PLCZ1: variants seen among roughly 807,000 people sequenced by gnomAD.
PLCZ1 encodes the protein phospholipase C zeta 1.
PLCZ1 carries 64 observed loss-of-function variants against 76.8 expected under a neutral mutation model. The ratio of observed to expected loss-of-function variants is 0.83; its 90% CI spans 0.68 to 1.03. PLCZ1 has a LOEUF of 1.03. PLCZ1 is among the 50% of genes least tolerant of loss of function. The pLI is 0.00. For synonymous variants in PLCZ1, 248 were observed against 230.8 expected (o/e 1.07, Z -0.68); for missense variants, 751 against 713.7 (o/e 1.05, Z -0.60).
chr12:18,655,980 A>C, the PLCZ1 span, among the ~76,000 whole-genome samples: 1 of 152,162 alleles, frequency 6.6e-6, no homozygotes, highest in African/African-American at 2.4e-5. Context: ...AAAGTAAGTA[A>C]ATTTTAATTA....
At chr12:18,710,165 T>G (rs1957123374) in intron 6 of PLCZ1, among the ~76,000 whole-genome samples, 1 of 148,646 alleles carries the variant, frequency 6.7e-6, no homozygotes. Flanking sequence ...ATTTTGTCTC[T>G]TTTTCTTATC....
chr12:18,717,603 A>G (rs1445473360), intron 5 of PLCZ1, among the ~76,000 whole-genome samples: 1 of 152,132 alleles, frequency 6.6e-6, no homozygotes, highest in Non-Finnish European at 1.5e-5. Flanking sequence ...TGATATCTCA[A>G]ACTTAGCATG....
In PLCZ1 at chr12:18,688,072, G is replaced by T. The variant is rs1202758347; in HGVS notation, c.1591+17C>A. 6 of 1,608,984 alleles carry T rather than the reference G, an allele frequency of 3.7e-6. No homozygotes were observed. The East Asian group carries it at 1.3e-4, about 36-fold the overall frequency. On this transcript the variant is annotated intron_variant, in intron 13 of 14. Transcript: ENST00000266505. ...AGAAGTCTAATGGAAATTCAATAAG[G>T]TATATCAGGAGCTCACCATTTTTTT...
At chr12:18,724,330 G>A (rs1053510232) in intron 3 of PLCZ1, among the ~76,000 whole-genome samples, 7 of 152,118 alleles carry the variant, frequency 4.6e-5, no homozygotes, top group Non-Finnish European at 1.0e-4. Context: ...TTAGACAAAT[G>A]AGAGAGATAA....
chr12:18,647,794 T>C, the PLCZ1 span: 3 of 747,606 alleles, frequency 4.0e-6, no homozygotes, highest in Non-Finnish European at 5.9e-6. Context: ...GCAGCTAATT[T>C]TTTTTATTAA....
At chr12:18,733,535 T>A (rs1959164818) in intron 3 of PLCZ1, among the ~76,000 whole-genome samples, 1 of 152,162 alleles carries the variant, frequency 6.6e-6, no homozygotes, top group African/African-American at 2.4e-5. Flanking sequence ...TCTAAGAAAT[T>A]CTTGCCAAGC....
the PLCZ1 span, chr12:18,647,767 C>A: frequency 2.0e-6 from 1 of 503,656 alleles, no homozygotes; most frequent in Non-Finnish European, 3.3e-6. Context: ...CTATCTATTC[C>A]AGGGTATAAG....
At chr12:18,658,862 G>A in the PLCZ1 span, among the ~76,000 whole-genome samples, 1 of 152,088 alleles carries the variant, frequency 6.6e-6, no homozygotes, top group Non-Finnish European at 1.5e-5. Flanking sequence ...TATTCTATTT[G>A]AATGGAAAAA....
At chr12:18,727,083 TGCCTGCAATCCCCAA>T (rs1478948260) in intron 3 of PLCZ1, among the ~76,000 whole-genome samples, 6 of 152,090 alleles carry the variant, frequency 3.9e-5, no homozygotes, top group Non-Finnish European at 1.5e-5. Flanking sequence ...CAATGGCTCA[TGCCTGCAATCCCCAA>T]GCTTTGGGAA....
Position 18,684,261 on chromosome 12 carries a change from T to C in PLCZ1, c.1610A>G (p.Asn537Ser), listed in dbSNP as rs1168406425. 1.2e-6 allele frequency: 2 copies of C among 1,609,244 alleles called. No individual in the cohort carries two copies. The highest frequency in any genetic ancestry group is 1.7e-6 in the Non-Finnish European group (2 of 1,176,640). Residue 537 changes from asparagine to serine, a missense_variant, in exon 14 of 15, where the codon AAT becomes AGT. Physicochemically the swap from Asn to Ser is conservative, Grantham distance 46. Coordinates refer to ENST00000266505, the MANE Select transcript of PLCZ1 (RefSeq NM_033123.4). Reference sequence around the variant, plus strand: ...ATGAATAATAAATGTGAATGTTTCATTCCATCTTGGACTAAAAGCTGAAAT... The same window carrying C: ...ATGAATAATAAATGTGAATGTTTCACTCCATCTTGGACTAAAAGCTGAAAT... Reference protein sequence around the residue: ...IKKNAFSPRWNETFTFIIHVP... With the variant: ...IKKNAFSPRWSETFTFIIHVP...
At chr12:18,723,263 A>T in intron 4 of PLCZ1, 48 bp downstream of exon 4, 1 of 1,493,376 alleles carries the variant, frequency 6.7e-7, no homozygotes. Context: ...AAAAGAAAAA[A>T]TACTTCACAT....
At chr12:18,651,213 C>G in the PLCZ1 span, among the ~76,000 whole-genome samples, 1 of 151,948 alleles carries the variant, frequency 6.6e-6, no homozygotes, top group African/African-American at 2.4e-5. Flanking sequence ...TCAGCCAACT[C>G]CTTCTTCCCA....
chr12:18,702,872 G>A (rs1414583117), intron 7 of PLCZ1, among the ~76,000 whole-genome samples: 1 of 142,182 alleles, frequency 7.0e-6, no homozygotes, highest in Non-Finnish European at 1.5e-5. Context: ...CCAGGATGGA[G>A]TGCAGTGACA....
At chr12:18,693,024 G>A (rs1954359765) in intron 12 of PLCZ1, 5 of 1,430,514 alleles carry the variant, frequency 3.5e-6, no homozygotes, top group African/African-American at 2.8e-5. Flanking sequence ...TAGAAATCAG[G>A]AACAAATGAA....
At chr12:18,660,886 A>G in the PLCZ1 span, among the ~76,000 whole-genome samples, 1 of 152,186 alleles carries the variant, frequency 6.6e-6, no homozygotes, top group East Asian at 1.9e-4. Context: ...ATTGATAGTC[A>G]AAGAAGTAAA....
chr12:18,664,042 T>C, the PLCZ1 span, among the ~76,000 whole-genome samples: 3 of 152,070 alleles, frequency 2.0e-5, no homozygotes, highest in Admixed American at 6.6e-5. Context: ...AAAACTACAA[T>C]GATATAACAC....
rs186106339 is a variant in PLCZ1 at position 18,730,072 on chromosome 12, T to A, written c.135+6149A>T. Among the ~76,000 whole-genome samples the A allele has an allele frequency of 3.0e-3, 456 of 152,250 alleles. 1 individual carries two copies. The highest frequency in any genetic ancestry group is 0.01 in the African/African-American group (435 of 41,576). ...CAATCATGTGAGATAGCTATGTTAG[T>A]CCCATTCTACGGATTAAGAAATTTG... On this transcript the variant is annotated intron_variant, in intron 3 of 14. Transcript: ENST00000266505.
At chr12:18,717,636 T>G (rs1645685645) in intron 5 of PLCZ1, among the ~76,000 whole-genome samples, 1 of 152,146 alleles carries the variant, frequency 6.6e-6, no homozygotes, top group African/African-American at 2.4e-5. Context: ...CCCTTGCATG[T>G]TGCCTCAAAC....
At chr12:18,663,305 C>T in the PLCZ1 span, among the ~76,000 whole-genome samples, 48 of 152,118 alleles carry the variant, frequency 3.2e-4, no homozygotes, top group African/African-American at 5.5e-4. Context: ...ACAGATAATA[C>T]GATCCTGTTT....
Sources: allele counts gnomAD v4.1 joint callset (sites outside exome capture counted in the v4.1 genomes callset), GRCh38; gene constraint gnomAD v4.1.1; transcripts MANE v1.5; gene names NCBI Gene and HGNC (gene_info 2026-07-23, HGNC 2026-07-21).